FER: variants seen among roughly 807,000 people sequenced by gnomAD.
FER encodes tyrosine-protein kinase Fer.
Under a neutral mutation model 111.0 loss-of-function variants are expected in FER, and 63 were observed. That is an observed-to-expected ratio of 0.57 (90% CI 0.46 to 0.70). The LOEUF is 0.70. Among genes scored for constraint, FER ranks in the 30% least tolerant of loss-of-function variants. FER has a pLI of 0.00. For synonymous variants in FER, 327 were observed against 313.9 expected (o/e 1.04, Z -0.44); for missense variants, 914 against 954.0 (o/e 0.96, Z 0.55).
intron 10 of FER, among the ~76,000 whole-genome samples, chr5:108,900,833 A>C (rs965242485): frequency 6.6e-6 from 1 of 152,138 alleles, no homozygotes; most frequent in Non-Finnish European, 1.5e-5. Flanking sequence ...TTAGTGTTTG[A>C]TGTTTATTTT....
At chr5:108,998,193 A>T (rs945104042) in intron 13 of FER, among the ~76,000 whole-genome samples, 5 of 151,528 alleles carry the variant, frequency 3.3e-5, no homozygotes, top group Non-Finnish European at 5.9e-5. Context: ...GAAAAAAAAA[A>T]AAAAAAAAAA....
At chr5:108,840,298 T>C (rs1298667096) in intron 5 of FER, among the ~76,000 whole-genome samples, 1 of 152,226 alleles carries the variant, frequency 6.6e-6, no homozygotes, top group East Asian at 1.9e-4. Context: ...ATGTCTCTTA[T>C]ACAGGTTGGT....
At chr5:108,799,073 G>T (rs140035028) in intron 3 of FER, among the ~76,000 whole-genome samples, 87 of 152,168 alleles carry the variant, frequency 5.7e-4, no homozygotes, top group African/African-American at 2.0e-3. Flanking sequence ...GAATCATATG[G>T]AATATTTTAG....
At chr5:108,790,793 C>G (rs1755279282) in intron 2 of FER, among the ~76,000 whole-genome samples, 1 of 152,214 alleles carries the variant, frequency 6.6e-6, no homozygotes, top group Non-Finnish European at 1.5e-5. Flanking sequence ...CCAGCACCCA[C>G]TAACAGTCAT....
At chr5:108,924,351 A>G (rs1204947034) in intron 10 of FER, among the ~76,000 whole-genome samples, 2 of 133,060 alleles carry the variant, frequency 1.5e-5, no homozygotes, top group African/African-American at 6.0e-5. Context: ...CAAGAGCGAA[A>G]CTCTGTCTCA....
intron 17 of FER, among the ~76,000 whole-genome samples, chr5:109,123,595 C>G (rs562086585): frequency 5.3e-5 from 8 of 151,980 alleles, no homozygotes; most frequent in Non-Finnish European, 1.0e-4. Context: ...CATCTTATAA[C>G]AAATTATTTT....
At chr5:108,785,244 G>A in intron 2 of FER, 1 of 576,608 alleles carries the variant, frequency 1.7e-6, no homozygotes, top group Non-Finnish European at 3.2e-6. Context: ...GGCAAGGATG[G>A]CCAGGCCATG....
intron 3 of FER, among the ~76,000 whole-genome samples, chr5:108,824,887 G>C (rs150359418): frequency 0.01 from 1,523 of 152,110 alleles, 24 homozygotes; most frequent in African/African-American, 0.035. Context: ...GTACAAAAGA[G>C]ATAAATTTTA....
intron 17 of FER, among the ~76,000 whole-genome samples, chr5:109,141,507 A>T (rs905433362): frequency 6.6e-6 from 1 of 152,212 alleles, no homozygotes; most frequent in Non-Finnish European, 1.5e-5. Context: ...ACACAGATAG[A>T]TGTAGTAACA....
intron 17 of FER, among the ~76,000 whole-genome samples, chr5:109,169,558 G>A (rs561749342): frequency 6.6e-6 from 1 of 152,268 alleles, no homozygotes; most frequent in East Asian, 1.9e-4. Flanking sequence ...ATGTAAATGG[G>A]AGGCAAGGAA....
At chr5:108,777,320 A>C (rs1033079202) in intron 2 of FER, among the ~76,000 whole-genome samples, 4 of 152,202 alleles carry the variant, frequency 2.6e-5, no homozygotes, top group African/African-American at 9.7e-5. Flanking sequence ...AATTTGGAGA[A>C]AGGTACAGAG....
chr5:109,069,799 T>G (rs995199655), intron 16 of FER, among the ~76,000 whole-genome samples: 4 of 152,156 alleles, frequency 2.6e-5, no homozygotes, highest in Admixed American at 2.0e-4. Context: ...GAATTTTTTT[T>G]CTGTTTGAAC....
chr5:109,004,981 G>T (rs763565579), intron 13 of FER, among the ~76,000 whole-genome samples: 5 of 151,750 alleles, frequency 3.3e-5, no homozygotes, highest in Admixed American at 6.6e-5. Flanking sequence ...CCAGGATTAA[G>T]GAACAAACTG....
chr5:108,776,034 GA>G (rs1753446503), intron 2 of FER, among the ~76,000 whole-genome samples: 2 of 152,070 alleles, frequency 1.3e-5, no homozygotes. Context: ...TAAAAGGTAG[GA>G]AATACCTTAT....
At chr5:109,177,845 A>G (rs1220368300) in intron 17 of FER, among the ~76,000 whole-genome samples, 2 of 152,210 alleles carry the variant, frequency 1.3e-5, no homozygotes, top group Non-Finnish European at 2.9e-5. Context: ...CTGATACCTC[A>G]GGTGAATGAC....
intron 11 of FER, among the ~76,000 whole-genome samples, chr5:108,946,993 A>G (rs2149628779): frequency 6.6e-6 from 1 of 152,142 alleles, no homozygotes; most frequent in South Asian, 2.1e-4. Flanking sequence ...AATTCTTCCA[A>G]GGTTCATCCA....
intron 2 of FER, among the ~76,000 whole-genome samples, chr5:108,777,068 T>C (rs1289192276): frequency 6.6e-6 from 1 of 152,176 alleles, no homozygotes; most frequent in Non-Finnish European, 1.5e-5. Flanking sequence ...TCCCAGCACG[T>C]TGGGAGGCCA....
At chr5:108,795,111 C>T (rs369624359) in intron 2 of FER, among the ~76,000 whole-genome samples, 12 of 152,260 alleles carry the variant, frequency 7.9e-5, no homozygotes, top group South Asian at 2.1e-4. Flanking sequence ...ATTGCTTGCA[C>T]GTAGGAGTTT....
chr5:108,867,655 T>C, intron 5 of FER, 112 bp from the exon 6 acceptor site: 2 of 1,111,468 alleles, frequency 1.8e-6, no homozygotes, highest in Middle Eastern at 4.1e-4. Context: ...TTTTTTTGTT[T>C]AAAAAATGCG....
Sources: allele counts gnomAD v4.1 joint callset (sites outside exome capture counted in the v4.1 genomes callset), GRCh38; gene constraint gnomAD v4.1.1; transcripts MANE v1.5; gene names NCBI Gene and HGNC (gene_info 2026-07-23, HGNC 2026-07-21).